The following KCNK2 variants were observed in gnomAD, a reference collection of about 807,000 sequenced individuals.
The protein encoded by KCNK2 is potassium channel subfamily K member 2.
A neutral mutation model predicts 40.5 loss-of-function variants in KCNK2; 21 were observed. The observed-to-expected ratio is 0.52, with a 90% CI of 0.37 to 0.75. KCNK2 has a LOEUF of 0.75. KCNK2 is among the 30% of genes least tolerant of loss of function. The probability of loss-of-function intolerance (pLI) is 0.00; values close to 1 mark genes in which losing one functional copy is unlikely to be tolerated. For missense variants in KCNK2, 399 were observed against 531.6 expected, an observed-to-expected ratio of 0.75 and a Z score of 2.45; for synonymous variants, 191 against 202.2, an observed-to-expected ratio of 0.94 and a Z score of 0.47.
chr1:215,155,641 T>G (rs549572798), intron 3 of KCNK2, among the ~76,000 whole-genome samples: 9 of 152,246 alleles, frequency 5.9e-5, no homozygotes, highest in Admixed American at 5.2e-4. Flanking sequence ...TGCCTCAGCC[T>G]CTCAGGTAGC....
At chr1:215,177,838 T>G (rs938173980) in intron 5 of KCNK2, among the ~76,000 whole-genome samples, 2 of 150,148 alleles carry the variant, frequency 1.3e-5, no homozygotes, top group African/African-American at 4.9e-5. Flanking sequence ...TTTTTTTTTT[T>G]AGGATTACTT....
intron 6 of KCNK2, among the ~76,000 whole-genome samples, chr1:215,219,489 A>G (rs991045621): frequency 1.5e-5 from 2 of 136,950 alleles, no homozygotes; most frequent in African/African-American, 7.4e-5. Context: ...CATAAATGCC[A>G]AAGTGAATTG....
chr1:215,143,674 T>G (rs1662285377), intron 3 of KCNK2, among the ~76,000 whole-genome samples: 1 of 152,162 alleles, frequency 6.6e-6, no homozygotes, highest in Admixed American at 6.6e-5. Context: ...TAGCTTGTAG[T>G]GTTGGCACTT....
intron 5 of KCNK2, among the ~76,000 whole-genome samples, chr1:215,181,458 G>A (rs1664211466): frequency 1.3e-5 from 2 of 152,062 alleles, no homozygotes; most frequent in African/African-American, 4.8e-5. Context: ...TCTTGCCCTG[G>A]TTCTTTCTCA....
At chr1:215,020,261 A>C (rs1656745169) in intron 1 of KCNK2, among the ~76,000 whole-genome samples, 1 of 152,234 alleles carries the variant, frequency 6.6e-6, no homozygotes, top group South Asian at 2.1e-4. Context: ...GCTTAAAAAT[A>C]GTATTAATAA....
chr1:215,047,691 CAT>C (rs1299449530), intron 1 of KCNK2, among the ~76,000 whole-genome samples: 1 of 152,122 alleles, frequency 6.6e-6, no homozygotes, highest in South Asian at 2.1e-4. Flanking sequence ...TTACTTTTTA[CAT>C]GTTAGAGTAA....
rs749188855 is a variant in KCNK2, at chr1:215,237,037, C to T, written c.*1892C>T. 5.9e-5 allele frequency: 9 copies of T among 152,390 alleles called. No individual in the cohort carries two copies. The highest frequency in any genetic ancestry group is 1.7e-4 in the African/African-American group (7 of 41,398). The allele number at this position is 152,390 out of a possible 1,614,324, so 9.4% of individuals were successfully genotyped here. A position where few individuals can be genotyped will look rare whatever the true frequency, so the allele number is the denominator to read the frequency against. The stretch of plus-strand genomic sequence containing the variant: ...TTCCGAAAATTTATATGGTGGAATG[C>T]GCCATGTATAAACTGTGAATTGTAT... On this transcript the variant is annotated 3_prime_UTR_variant, in exon 7 of 7. Coordinates refer to ENST00000444842, the MANE Select transcript of KCNK2 (RefSeq NM_001017425.3).
intron 1 of KCNK2, among the ~76,000 whole-genome samples, chr1:215,026,162 A>C (rs1292948586): frequency 6.6e-6 from 1 of 151,898 alleles, no homozygotes; most frequent in Non-Finnish European, 1.5e-5. Context: ...TGAATAGCTT[A>C]TTTATATCTG....
At chr1:215,102,314 T>G (rs1423532497) in intron 2 of KCNK2, among the ~76,000 whole-genome samples, 4 of 151,994 alleles carry the variant, frequency 2.6e-5, no homozygotes, top group Non-Finnish European at 5.9e-5. Context: ...TGTGTTTGTG[T>G]CTTAGTTTTC....
At chr1:215,038,157 G>T (rs1202268422) in intron 1 of KCNK2, among the ~76,000 whole-genome samples, 1 of 151,956 alleles carries the variant, frequency 6.6e-6, no homozygotes. Context: ...TCAGAGATTA[G>T]AGACCCTGAA....
chr1:215,030,656 T>C (rs1051657374), intron 1 of KCNK2, among the ~76,000 whole-genome samples: 2 of 151,638 alleles, frequency 1.3e-5, no homozygotes, highest in Non-Finnish European at 2.9e-5. Flanking sequence ...CACCTCAGCC[T>C]CCCGAGTAGC....
intron 2 of KCNK2, among the ~76,000 whole-genome samples, chr1:215,111,497 A>G (rs1482274978): frequency 1.3e-5 from 2 of 151,856 alleles, no homozygotes; most frequent in East Asian, 3.9e-4. Flanking sequence ...TGTTTGTTGA[A>G]GTTCACTGTT....
intron 6 of KCNK2, among the ~76,000 whole-genome samples, chr1:215,204,695 T>C (rs993236773): frequency 6.6e-6 from 1 of 152,186 alleles, no homozygotes; most frequent in African/African-American, 2.4e-5. Flanking sequence ...CTATGTTTGC[T>C]GAGAACAGAA....
chr1:215,064,192 A>G (rs1176213853), intron 1 of KCNK2, among the ~76,000 whole-genome samples: 2 of 152,196 alleles, frequency 1.3e-5, no homozygotes, highest in Non-Finnish European at 2.9e-5. Flanking sequence ...TTCCGTGTGA[A>G]ACATTTATGC....
intron 2 of KCNK2, among the ~76,000 whole-genome samples, chr1:215,104,495 A>G (rs1264309263): frequency 6.6e-6 from 1 of 152,014 alleles, no homozygotes; most frequent in Non-Finnish European, 1.5e-5. Context: ...TGCATTGATC[A>G]TCTGTTCTCT....
intron 3 of KCNK2, among the ~76,000 whole-genome samples, chr1:215,158,301 T>G (rs1282639620): frequency 1.3e-5 from 2 of 152,160 alleles, no homozygotes; most frequent in Non-Finnish European, 2.9e-5. Flanking sequence ...TCCTAACATC[T>G]AGAATTCTCT....
At chr1:215,179,501 C>A (rs1664137554) in intron 5 of KCNK2, among the ~76,000 whole-genome samples, 2 of 151,928 alleles carry the variant, frequency 1.3e-5, no homozygotes, top group Non-Finnish European at 2.9e-5. Flanking sequence ...TTGAGGTAGG[C>A]ATTTGGCAAT....
In KCNK2 at chr1:215,235,868, T is replaced by C. The variant is rs943737806; in HGVS notation, c.*723T>C. ...TTAAAGGCACTGCAGAGAAATGAGG[T>C]GCAGAGGTGGCCCCTCTGAGTATTT... On this transcript the variant is annotated 3_prime_UTR_variant, in exon 7 of 7. Coordinates refer to ENST00000444842, the MANE Select transcript of KCNK2 (RefSeq NM_001017425.3). 6.6e-6 allele frequency: 1 copy of C among 152,560 alleles called. No individual in the cohort carries two copies. The highest frequency in any genetic ancestry group is 1.5e-5 in the Non-Finnish European group (1 of 68,034). The allele number at this position is 152,560 out of a possible 1,614,324, so 9.5% of individuals were successfully genotyped here.
intron 5 of KCNK2, among the ~76,000 whole-genome samples, chr1:215,193,438 T>G (rs1312313703): frequency 6.6e-6 from 1 of 152,016 alleles, no homozygotes; most frequent in Non-Finnish European, 1.5e-5. Context: ...TAATTACTTT[T>G]TTTTTTTTTA....
Sources: allele counts gnomAD v4.1 joint callset (sites outside exome capture counted in the v4.1 genomes callset), GRCh38; gene constraint gnomAD v4.1.1; transcripts MANE v1.5; gene names NCBI Gene and HGNC (gene_info 2026-07-23, HGNC 2026-07-21).